The following NXN variants were observed in gnomAD, a reference collection of about 807,000 sequenced individuals.
The protein encoded by NXN is nucleoredoxin 1.
NXN carries 16 observed loss-of-function variants against 48.6 expected under a neutral mutation model. That is an observed-to-expected ratio of 0.33 (90% confidence interval 0.22 to 0.50). The LOEUF (loss-of-function observed/expected upper bound fraction) is 0.50, where lower values mean the gene tolerates loss of function less well. Ranked by LOEUF, NXN falls within the 20% of genes least tolerant of loss-of-function variation. The pLI, the probability that NXN is intolerant of heterozygous loss-of-function variation, is 0.98. For synonymous variants in NXN, 281 were observed against 269.6 expected, an observed-to-expected ratio of 1.04 and a Z score of -0.41; for missense variants, 492 against 605.5, an observed-to-expected ratio of 0.81 and a Z score of 1.97.
chr17:896,073 C>T (rs1417733336), intron 1 of NXN, among the ~76,000 whole-genome samples: 1 of 151,814 alleles, frequency 6.6e-6, no homozygotes, highest in Non-Finnish European at 1.5e-5. Context: ...GGCATGGTGG[C>T]TTATGCCTGT....
intron 1 of NXN, among the ~76,000 whole-genome samples, chr17:889,305 C>T (rs987522845): frequency 1.3e-5 from 2 of 152,184 alleles, no homozygotes; most frequent in Non-Finnish European, 2.9e-5. Flanking sequence ...ATGAAGCTAC[C>T]GTTGTCGAAA....
chr17:940,383 T>C (rs2068957988), intron 1 of NXN, among the ~76,000 whole-genome samples: 1 of 152,196 alleles, frequency 6.6e-6, no homozygotes, highest in Non-Finnish European at 1.5e-5. Flanking sequence ...CGTGAGCCAT[T>C]GCACCTGGCC....
chr17:927,317 G>T (rs769938503), intron 1 of NXN, among the ~76,000 whole-genome samples: 3 of 150,950 alleles, frequency 2.0e-5, no homozygotes, highest in Non-Finnish European at 4.4e-5. Flanking sequence ...GGTAAAAGAA[G>T]CAAAATTAGG....
intron 1 of NXN, among the ~76,000 whole-genome samples, chr17:876,009 C>T (rs1187759118): frequency 6.6e-6 from 1 of 151,898 alleles, no homozygotes; most frequent in African/African-American, 2.4e-5. Context: ...GGGTGAAACC[C>T]CGTCTCTACT....
intron 5 of NXN, among the ~76,000 whole-genome samples, chr17:815,038 T>G (rs1912391387): frequency 6.6e-6 from 1 of 152,220 alleles, no homozygotes; most frequent in Non-Finnish European, 1.5e-5. Flanking sequence ...AGTCCAGGGA[T>G]TACAGGCGTG....
chr17:900,624 A>C (rs1484345623), intron 1 of NXN, among the ~76,000 whole-genome samples: 1 of 152,206 alleles, frequency 6.6e-6, no homozygotes. Context: ...AAGGAGAAGA[A>C]ACATGAATGA....
In NXN at chr17:842,716, T is replaced by A. The variant is rs59924815; in HGVS notation, c.361-16638A>T. Among the ~76,000 whole-genome samples, 1,387 of 152,244 alleles carry A rather than the reference T, an allele frequency of 9.1e-3. 16 individuals carry two copies. Among genetic ancestry groups the A allele is most frequent in the African/African-American group, 0.032 (1,319 of 41,536 alleles). On this transcript the variant is annotated intron_variant, in intron 1 of 7. Coordinates refer to ENST00000336868, the MANE Select transcript of NXN (RefSeq NM_022463.5). The stretch of plus-strand genomic sequence containing the variant: ...ACTTTGGGAGGCTGAGGCGGGTGGA[T>A]CACCTGAGGTCAGGAGTTCAAGACC...
intron 1 of NXN, among the ~76,000 whole-genome samples, chr17:936,829 A>G (rs181994717): frequency 6.6e-6 from 1 of 151,556 alleles, no homozygotes; most frequent in Admixed American, 6.6e-5. Context: ...CCTTTAATGA[A>G]AAAGTTAAAA....
chr17:853,341 G>A lies in NXN; in HGVS notation c.361-27263C>T, dbSNP rs953529092. 5.3e-5 allele frequency among the ~76,000 whole-genome samples: 8 copies of A among 151,998 alleles called. No homozygotes were observed. In the East Asian group the frequency reaches 7.8e-4, roughly 15 times the overall value. ...CGCACGCCTGTAGTCCCAGCTACTC[G>A]GGAGGTGGAGGCAGGAGAATCGCTT... On this transcript the variant is annotated intron_variant, in intron 1 of 7. Coordinates refer to ENST00000336868, the MANE Select transcript of NXN (RefSeq NM_022463.5).
rs1354444717 is a variant in NXN at position 979,613 on chromosome 17, G to A, written c.66C>T (p.Asp22=). 1.4e-6 allele frequency: 2 copies of A among 1,464,704 alleles called. No individual in the cohort carries two copies. The highest frequency in any genetic ancestry group is 1.5e-5 in the African/African-American group (1 of 68,456). The allele number at this position is 1,464,704 out of a possible 1,614,324, so 90.7% of individuals were successfully genotyped here. The part of the protein sequence containing the change: ...KLVTGGGEEV[D]VHSLGARGIS... ...TGCCGCGGGCGCCCAGCGAGTGCACGTCCACCTCCTCGCCGCCGCCCGTCA... is the reference window on the plus strand; with the variant it reads ...TGCCGCGGGCGCCCAGCGAGTGCACATCCACCTCCTCGCCGCCGCCCGTCA... The change falls in exon 1 of 8, where the codon GAC becomes GAT. Residue 22 remains aspartate, a synonymous_variant. Transcript: ENST00000336868.
intron 1 of NXN, among the ~76,000 whole-genome samples, chr17:854,371 G>A (rs149883523): frequency 1.9e-3 from 291 of 152,180 alleles, no homozygotes; most frequent in Non-Finnish European, 3.0e-3. Flanking sequence ...AATTTCAGCC[G>A]GGAGCGGTGG....
intron 1 of NXN, among the ~76,000 whole-genome samples, chr17:965,126 G>A (rs925125999): frequency 9.9e-5 from 15 of 152,158 alleles, no homozygotes; most frequent in African/African-American, 3.6e-4. Flanking sequence ...TCCTCTGCAG[G>A]AAACAATTGT....
chr17:838,195 G>A (rs980040398), intron 1 of NXN, among the ~76,000 whole-genome samples: 4 of 132,650 alleles, frequency 3.0e-5, no homozygotes, highest in Non-Finnish European at 4.6e-5. Context: ...GCAGTGGCTC[G>A]ATCTCTGCTC....
At chr17:806,538 G>A (rs1009523823) in intron 5 of NXN, among the ~76,000 whole-genome samples, 2 of 151,930 alleles carry the variant, frequency 1.3e-5, no homozygotes, top group Admixed American at 6.6e-5. Context: ...CCCACCCTTC[G>A]GGGACCTTTG....
At chr17:957,409 G>A (rs1438715978) in intron 1 of NXN, among the ~76,000 whole-genome samples, 1 of 152,018 alleles carries the variant, frequency 6.6e-6, no homozygotes, top group Non-Finnish European at 1.5e-5. Context: ...CAAAGCGGGT[G>A]GATCATGAGG....
At position 865,534 on chromosome 17, in the gene NXN, G is replaced by A. The variant is rs114894530; in HGVS notation, c.361-39456C>T. The stretch of plus-strand genomic sequence containing the variant: ...TGGTATTACAGGCATGAGCCACCAC[G>A]CCCGGCCGAGTTACACATTTTCTAT... On this transcript the variant is annotated intron_variant, in intron 1 of 7. Coordinates refer to ENST00000336868, the MANE Select transcript of NXN (RefSeq NM_022463.5). Among the ~76,000 whole-genome samples the A allele has an allele frequency of 9.4e-3, 1,432 of 151,662 alleles. 31 individuals carry two copies. Among genetic ancestry groups the A allele is most frequent in the African/African-American group, 0.033 (1,366 of 41,350 alleles).
chr17:926,853 C>T (rs1268893652), intron 1 of NXN, among the ~76,000 whole-genome samples: 1 of 152,104 alleles, frequency 6.6e-6, no homozygotes. Flanking sequence ...TCCCACACAT[C>T]CCTGGGATTT....
At chr17:873,952 C>T (rs1342361311) in intron 1 of NXN, among the ~76,000 whole-genome samples, 1 of 152,104 alleles carries the variant, frequency 6.6e-6, no homozygotes, top group Non-Finnish European at 1.5e-5. Context: ...GGTCTTTTTC[C>T]AGCATCTGAG....
chr17:836,780 G>T (rs1201426426), intron 1 of NXN, among the ~76,000 whole-genome samples: 3 of 152,202 alleles, frequency 2.0e-5, no homozygotes, highest in Non-Finnish European at 4.4e-5. Flanking sequence ...CCAATATTAG[G>T]TATGAAATAA....
Sources: gnomAD v4.1 joint callset for allele counts (sites outside exome capture counted in the v4.1 genomes callset) on GRCh38, gnomAD v4.1.1 for gene constraint, MANE v1.5 for transcripts, NCBI Gene and HGNC (gene_info 2026-07-23, HGNC 2026-07-21) for gene names.